The following TNRC6B variants were observed in gnomAD, a reference collection of about 807,000 sequenced individuals.
The protein encoded by TNRC6B is trinucleotide repeat-containing gene 6B protein.
Under a neutral mutation model 203.6 loss-of-function variants are expected in TNRC6B, and 52 were observed. The ratio of observed to expected loss-of-function variants is 0.26; its 90% confidence interval spans 0.20 to 0.32. TNRC6B has a LOEUF of 0.32. Ranked by LOEUF, TNRC6B falls within the 10% of genes least tolerant of loss-of-function variation. TNRC6B has a pLI of 1.00. For missense variants in TNRC6B, 1,923 were observed against 2,286.2 expected (o/e 0.84, Z 3.24); for synonymous variants, 838 against 845.7 (o/e 0.99, Z 0.16).
intron 3 of TNRC6B, among the ~76,000 whole-genome samples, chr22:40,136,806 C>G (rs2068603751): frequency 6.6e-6 from 1 of 152,160 alleles, no homozygotes; most frequent in Admixed American, 6.5e-5. Context: ...CTACTAATTA[C>G]TGCAAATAAA....
intron 3 of TNRC6B, among the ~76,000 whole-genome samples, chr22:40,136,986 T>C (rs1233678555): frequency 6.6e-6 from 1 of 152,184 alleles, no homozygotes; most frequent in African/African-American, 2.4e-5. Flanking sequence ...CACAGTAGTA[T>C]TTGAATGATC....
intron 1 of TNRC6B, chr22:40,107,076 G>A (rs143194424): frequency 6.0e-5 from 43 of 719,930 alleles, no homozygotes; most frequent in East Asian, 5.9e-4. Context: ...GGTTCCAGCC[G>A]GAAAAAGAGG....
intron 1 of TNRC6B, among the ~76,000 whole-genome samples, chr22:40,236,299 C>T (rs2069946926): frequency 6.6e-6 from 1 of 152,154 alleles, no homozygotes; most frequent in Non-Finnish European, 1.5e-5. Flanking sequence ...TCCTCTGGCG[C>T]CCAACCACCT....
chr22:40,186,607 G>T (rs571061225), intron 1 of TNRC6B, among the ~76,000 whole-genome samples: 1 of 151,522 alleles, frequency 6.6e-6, no homozygotes. Flanking sequence ...GCGTGGTGGC[G>T]GATGCCTGTA....
intron 12 of TNRC6B, among the ~76,000 whole-genome samples, chr22:40,290,664 C>G (rs2070857865): frequency 6.6e-6 from 1 of 152,088 alleles, no homozygotes; most frequent in African/African-American, 2.4e-5. Flanking sequence ...CCCTGTCACT[C>G]CCCCACCCCC....
In TNRC6B at chr22:40,057,063, A is replaced by G. The variant is rs139713920; in HGVS notation, c.-121+12065A>G. 6.8e-3 allele frequency among the ~76,000 whole-genome samples: 1,030 copies of G among 152,228 alleles called. 43 individuals carry two copies. The highest frequency in any genetic ancestry group is 0.062 in the Admixed American group (948 of 15,286). On this transcript the variant is annotated intron_variant, in intron 1 of 23. Coordinates refer to the TNRC6B transcript ENST00000301923. ...TGAGTTTATGCTACTTTGTTTTGTC[A>G]TGGCACCCACTAGAATGGTTTGCAC...
intron 1 of TNRC6B, among the ~76,000 whole-genome samples, chr22:40,197,827 G>C (rs370708856): frequency 6.6e-6 from 1 of 151,200 alleles, no homozygotes; most frequent in South Asian, 2.1e-4. Flanking sequence ...GCTCAGGCTG[G>C]TCTTGAACTC....
At chr22:40,176,529 A>G (rs186637776), upstream of TNRC6B, among the ~76,000 whole-genome samples, 7 of 152,110 alleles carry the variant, frequency 4.6e-5, no homozygotes, top group East Asian at 3.9e-4. Context: ...ATTCCCCTAC[A>G]TTTTTTATAT....
intron 1 of TNRC6B, among the ~76,000 whole-genome samples, chr22:40,109,935 G>A (rs2068318482): frequency 6.6e-6 from 1 of 152,160 alleles, no homozygotes; most frequent in Admixed American, 6.5e-5. Context: ...ACAGTGCGGG[G>A]CACAGCATAA....
chr22:40,320,680 G>C (rs555720676), intron 21 of TNRC6B, among the ~76,000 whole-genome samples: 9 of 152,334 alleles, frequency 5.9e-5, no homozygotes, highest in African/African-American at 2.2e-4. Context: ...GGCAGAAATA[G>C]TCTCACCTTG....
At chr22:40,056,205 C>G (rs547820807) in intron 1 of TNRC6B, among the ~76,000 whole-genome samples, 1 of 152,290 alleles carries the variant, frequency 6.6e-6, no homozygotes, top group East Asian at 1.9e-4. Context: ...ACCTTGTTGG[C>G]TAAACTAATG....
intron 12 of TNRC6B, among the ~76,000 whole-genome samples, chr22:40,298,822 CG>C (rs2070980814): frequency 1.3e-5 from 2 of 152,136 alleles, no homozygotes; most frequent in Non-Finnish European, 2.9e-5. Context: ...AAAAATTAGC[CG>C]GGCGCAGTGG....
At position 40,321,173 on chromosome 22, in the gene TNRC6B, C is replaced by G. The variant is rs2071328954; in HGVS notation, c.5058C>G (p.Ala1686=). 6.2e-7 allele frequency: 1 copy of G among 1,613,874 alleles called. No homozygotes were observed. The highest frequency in any genetic ancestry group is 1.3e-5 in the African/African-American group (1 of 74,918). The change falls in exon 22 of 23, where the codon GCC becomes GCG. Residue 1686 remains alanine (A), a synonymous_variant. Coordinates refer to ENST00000454349, the MANE Select transcript of TNRC6B (RefSeq NM_001162501.2). ...ATCTGAATCTAACCCAGGGCACTGC[C>G]CTGATCCGATACAGCACCAAACAGG... ...TFHLNLTQGT[A]LIRYSTKQEA...
chr22:40,262,838 G>GA (rs1045339327), intron 4 of TNRC6B, among the ~76,000 whole-genome samples: 1 of 152,064 alleles, frequency 6.6e-6, no homozygotes, highest in Non-Finnish European at 1.5e-5. Context: ...AGGAGATCGA[G>GA]ACCACCCTGG....
At chr22:40,222,714 T>TTCTC (rs1555890997) in intron 1 of TNRC6B, among the ~76,000 whole-genome samples, 11 of 144,992 alleles carry the variant, frequency 7.6e-5, no homozygotes, top group South Asian at 4.5e-4. Context: ...TCTTGCTGTA[T>TTCTC]TCTCTCTCTC....
At position 40,333,896 on chromosome 22, in the gene TNRC6B, C is replaced by T. The variant is rs1440195300; in HGVS notation, c.*10655C>T. On this transcript the variant is annotated 3_prime_UTR_variant, in exon 23 of 23. Coordinates refer to ENST00000454349, the MANE Select transcript of TNRC6B (RefSeq NM_001162501.2). ...TGAATTGCTTCTTTGCAGACACCCC[C>T]TTCGCCCCCATCTTTAAGATAAACC... The T allele has an allele frequency of 6.5e-6, 1 of 152,772 alleles. No individual in the cohort carries two copies. The highest frequency in any genetic ancestry group is 1.9e-4 in the East Asian group (1 of 5,178). The allele number at this position is 152,772 out of a possible 1,614,324, so 9.5% of individuals were successfully genotyped here.
intron 1 of TNRC6B, among the ~76,000 whole-genome samples, chr22:40,226,760 C>T (rs1014825108): frequency 6.6e-6 from 1 of 152,150 alleles, no homozygotes; most frequent in Non-Finnish European, 1.5e-5. Context: ...CACTATTTAG[C>T]TCCATTTCTT....
intron 3 of TNRC6B, chr22:40,125,873 T>G: frequency 6.2e-7 from 1 of 1,610,510 alleles, no homozygotes; most frequent in Non-Finnish European, 8.5e-7. Context: ...GTCAGTAAAT[T>G]ACTGAAAGGT....
intron 1 of TNRC6B, among the ~76,000 whole-genome samples, chr22:40,218,314 TTTTTC>T (rs1235181565): frequency 1.4e-5 from 2 of 139,882 alleles, no homozygotes; most frequent in African/African-American, 4.9e-5. Context: ...TTTTTTTTCT[TTTTTC>T]TTTTCTTTTT....
Sources: gnomAD v4.1 joint callset for allele counts (sites outside exome capture counted in the v4.1 genomes callset) on GRCh38, gnomAD v4.1.1 for gene constraint, MANE v1.5 for transcripts, NCBI Gene and HGNC (gene_info 2026-07-23, HGNC 2026-07-21) for gene names.